ADAMTS17: variants seen among roughly 807,000 people sequenced by gnomAD.
ADAMTS17 encodes the protein ADAM metallopeptidase with thrombospondin type 1 motif 17.
Under a neutral mutation model 141.5 loss-of-function variants are expected in ADAMTS17, and 113 were observed. The ratio of observed to expected loss-of-function variants is 0.80; its 90% CI spans 0.69 to 0.93. The LOEUF is 0.93. Ranked by LOEUF, ADAMTS17 falls within the 40% of genes least tolerant of loss-of-function variation. The pLI is 0.00. For synonymous variants in ADAMTS17, 768 were observed against 630.6 expected, an observed-to-expected ratio of 1.22 and a Z score of -3.27; for missense variants, 1,659 against 1,517.9, an observed-to-expected ratio of 1.09 and a Z score of -1.54.
rs1476524645 is a variant in ADAMTS17 at position 100,255,486 on chromosome 15, A to G, written c.1032-1307T>C. Among the ~76,000 whole-genome samples the G allele has an allele frequency of 3.3e-5, 5 of 152,196 alleles. No homozygotes were observed. In the East Asian group the frequency reaches 9.6e-4, roughly 29 times the overall value. On this transcript the variant is annotated intron_variant, in intron 6 of 21. Coordinates refer to ENST00000268070, the MANE Select transcript of ADAMTS17 (RefSeq NM_139057.4). The stretch of plus-strand genomic sequence containing the variant: ...AGACTCCCTTTTAGAAGATGAAGCA[A>G]TAGGCGATAGAAGCAGCACTGGCAG...
In ADAMTS17 at chr15:100,199,429, G is replaced by A; in HGVS notation, c.1076-6C>T. On this transcript the variant is annotated splice_region_variant and splice_polypyrimidine_tract_variant and intron_variant, in intron 7 of 21. Coordinates refer to ENST00000268070, the MANE Select transcript of ADAMTS17 (RefSeq NM_139057.4). The stretch of plus-strand genomic sequence containing the variant: ...ACCTCCTAAGTAAGCAATTCCTGCA[G>A]CAGAGACACAAAACACATCCTCTTC... 1 of 1,613,156 alleles carries A rather than the reference G, an allele frequency of 6.2e-7. No homozygotes were observed. The highest frequency in any genetic ancestry group is 2.2e-5 in the East Asian group (1 of 44,876).
At chr15:100,088,227 C>T (rs922797630) in intron 15 of ADAMTS17, among the ~76,000 whole-genome samples, 3 of 152,160 alleles carry the variant, frequency 2.0e-5, no homozygotes, top group African/African-American at 4.8e-5. Flanking sequence ...CATGAGTGAA[C>T]TCCCATTCAC....
At chr15:100,108,687 A>G (rs1372637586) in intron 14 of ADAMTS17, among the ~76,000 whole-genome samples, 1 of 152,194 alleles carries the variant, frequency 6.6e-6, no homozygotes, top group Non-Finnish European at 1.5e-5. Flanking sequence ...CTTTAGGCGC[A>G]TCTTAGTACC....
Position 100,211,450 on chromosome 15 carries a change from C to A in ADAMTS17, c.1076-12027G>T, listed in dbSNP as rs575855132. Among the ~76,000 whole-genome samples, 4 of 152,280 alleles carry A rather than the reference C, an allele frequency of 2.6e-5. No individual in the cohort carries two copies. The East Asian group carries it at 7.7e-4, about 29-fold the overall frequency. Reference sequence around the variant, plus strand: ...CACAGGGAGATGAATGAATTAAACTCTCAACCTCATGCCAGACACAGAAAC... The same window carrying A: ...CACAGGGAGATGAATGAATTAAACTATCAACCTCATGCCAGACACAGAAAC... On this transcript the variant is annotated intron_variant, in intron 7 of 21. Transcript: ENST00000268070.
chr15:100,162,253 G>A (rs1262256554), intron 8 of ADAMTS17, among the ~76,000 whole-genome samples: 1 of 151,958 alleles, frequency 6.6e-6, no homozygotes, highest in Non-Finnish European at 1.5e-5. Context: ...TAAGGTGCAT[G>A]AGTCAGGTAC....
intron 8 of ADAMTS17, among the ~76,000 whole-genome samples, chr15:100,162,987 T>C (rs2039794539): frequency 1.4e-5 from 2 of 143,462 alleles, no homozygotes; most frequent in East Asian, 2.0e-4. Flanking sequence ...TGTGTATATA[T>C]AACTATATAT....
chr15:99,972,522 T>A lies in ADAMTS17; in HGVS notation c.*1880A>T, dbSNP rs1001124099. ...AGTGAATTAACAGTTCATTTGGGGATGAAGAAAATTGAACCTCAGCGCCCC... is the reference window on the plus strand; with the variant it reads ...AGTGAATTAACAGTTCATTTGGGGAAGAAGAAAATTGAACCTCAGCGCCCC... On this transcript the variant is annotated 3_prime_UTR_variant, in exon 22 of 22. Coordinates refer to ENST00000268070, the MANE Select transcript of ADAMTS17 (RefSeq NM_139057.4). The A allele has an allele frequency of 4.6e-5, 7 of 152,134 alleles. No homozygotes were observed. Among genetic ancestry groups the A allele is most frequent in the Non-Finnish European group, 7.3e-5 (5 of 68,034 alleles). The allele number at this position is 152,134 out of a possible 1,614,324, so 9.4% of individuals were successfully genotyped here.
intron 3 of ADAMTS17, among the ~76,000 whole-genome samples, chr15:100,296,587 G>T (rs1220097590): frequency 1.3e-5 from 2 of 151,686 alleles, no homozygotes; most frequent in Non-Finnish European, 2.9e-5. Context: ...GGGGGTGTGT[G>T]TGTGTGTGTG....
chr15:100,255,008 G>T (rs11247173), intron 6 of ADAMTS17, among the ~76,000 whole-genome samples: 96,022 of 148,832 alleles, frequency 0.65, 31,194 homozygotes, highest in East Asian at 0.84. Flanking sequence ...AACTTAAAAG[G>T]TGAAGGAAAA....
intron 20 of ADAMTS17, among the ~76,000 whole-genome samples, chr15:99,977,045 G>T (rs2060348130): frequency 6.6e-6 from 1 of 152,126 alleles, no homozygotes; most frequent in African/African-American, 2.4e-5. Flanking sequence ...CCTTTGCCCA[G>T]TCTTGGGCAT....
chr15:100,094,469 G>C (rs1299900350), intron 15 of ADAMTS17, among the ~76,000 whole-genome samples: 2 of 152,252 alleles, frequency 1.3e-5, no homozygotes, highest in Admixed American at 1.3e-4. Context: ...CTGGTATACA[G>C]ATCAGAGTCT....
At chr15:100,167,421 T>G (rs2039992173) in intron 8 of ADAMTS17, among the ~76,000 whole-genome samples, 1 of 152,168 alleles carries the variant, frequency 6.6e-6, no homozygotes, top group Admixed American at 6.5e-5. Context: ...CAGTTTACCC[T>G]CCCAGATGGT....
intron 2 of ADAMTS17, among the ~76,000 whole-genome samples, chr15:100,335,498 G>C (rs1184768046): frequency 6.6e-6 from 1 of 152,164 alleles, no homozygotes; most frequent in Non-Finnish European, 1.5e-5. Context: ...AGGAGGCTGG[G>C]ACTGCCTTCC....
chr15:100,276,493 TGGGAGGGA>T (rs2044099177), intron 4 of ADAMTS17, among the ~76,000 whole-genome samples: 1 of 3,420 alleles, frequency 2.9e-4, no homozygotes, highest in African/African-American at 1.2e-3. Context: ...GGTGGGAGGG[TGGGAGGGA>T]GTGGGTGCCT....
chr15:100,142,112 C>T (rs72755208), intron 10 of ADAMTS17, among the ~76,000 whole-genome samples: 5,219 of 152,306 alleles, frequency 0.034, 176 homozygotes, highest in African/African-American at 0.085. Flanking sequence ...ACTTTTAAGA[C>T]AGAAAATCTG....
At chr15:100,231,257 C>T (rs1036297523) in intron 7 of ADAMTS17, among the ~76,000 whole-genome samples, 2 of 152,182 alleles carry the variant, frequency 1.3e-5, no homozygotes, top group Admixed American at 6.5e-5. Flanking sequence ...ATACCAAAGG[C>T]ACAACTACTT....
In ADAMTS17 at chr15:100,325,830, C is replaced by T. The variant is rs190266357; in HGVS notation, c.616+5059G>A. 5.9e-5 allele frequency among the ~76,000 whole-genome samples: 9 copies of T among 152,284 alleles called. No individual in the cohort carries two copies. The East Asian group carries it at 1.7e-3, about 29-fold the overall frequency. On this transcript the variant is annotated intron_variant, in intron 3 of 21. Coordinates refer to ENST00000268070, the MANE Select transcript of ADAMTS17 (RefSeq NM_139057.4). Reference sequence around the variant, plus strand: ...TATAAATTACCCAGCCTCAGGTATTCCTTCAGGCAACACAAATCGACTAAC... The same window carrying T: ...TATAAATTACCCAGCCTCAGGTATTTCTTCAGGCAACACAAATCGACTAAC...
rs993642313 is a variant in ADAMTS17 at position 100,063,876 on chromosome 15, G to A, written c.2138-9822C>T. The A allele has an allele frequency of 3.5e-5, 22 of 621,268 alleles. No homozygotes were observed. The African/African-American group carries it at 4.2e-4, about 12-fold the overall frequency. 38.5% of individuals were successfully genotyped at this position (621,268 alleles called of 1,614,324 possible). A position where few individuals can be genotyped will look rare whatever the true frequency, so the allele number is the denominator to read the frequency against. ...CCCCCACAGTGGCTTCAGAAATGGA[G>A]GGCTGGCGCAGAAGAAGGAGGCTCT... is the stretch of plus-strand genomic sequence containing the variant. On this transcript the variant is annotated intron_variant, in intron 15 of 21. Coordinates refer to ENST00000268070, the MANE Select transcript of ADAMTS17 (RefSeq NM_139057.4).
chr15:100,253,232 T>C (rs967548952), intron 7 of ADAMTS17, among the ~76,000 whole-genome samples: 3 of 150,288 alleles, frequency 2.0e-5, no homozygotes, highest in Admixed American at 6.6e-5. Flanking sequence ...ATTGTGCCTG[T>C]ATTAACCAAA....
Sources: gnomAD v4.1 joint callset for allele counts (sites outside exome capture counted in the v4.1 genomes callset) on GRCh38, gnomAD v4.1.1 for gene constraint, MANE v1.5 for transcripts, NCBI Gene and HGNC (gene_info 2026-07-23, HGNC 2026-07-21) for gene names.